Variants in EYS observed in about 807,000 individuals in gnomAD.
The protein encoded by EYS is EGF-like photoreceptor maintenance factor, also known as protein eyes shut homolog.
In EYS, 250 loss-of-function variants were observed where a neutral mutation model predicts 282.1. That is an observed-to-expected ratio of 0.89 (90% CI 0.80 to 0.98). EYS has a LOEUF of 0.98. Among genes scored for constraint, EYS ranks in the 50% least tolerant of loss-of-function variants. The pLI is 0.00. For synonymous variants in EYS, 1,355 were observed against 1,282.9 expected, an observed-to-expected ratio of 1.06 and a Z score of -1.20; for missense variants, 4,016 against 3,709.0, an observed-to-expected ratio of 1.08 and a Z score of -2.15.
chr6:65,602,757 G>C (rs972335347), intron 2 of EYS, among the ~76,000 whole-genome samples: 1 of 152,008 alleles, frequency 6.6e-6, no homozygotes, highest in African/African-American at 2.4e-5. Flanking sequence ...CTGAATGAAA[G>C]AGTGATGTGA....
At chr6:63,996,111 C>G (rs1008792887) in intron 34 of EYS, among the ~76,000 whole-genome samples, 1 of 151,646 alleles carries the variant, frequency 6.6e-6, no homozygotes, top group East Asian at 1.9e-4. Flanking sequence ...AAAAGGAAAA[C>G]GATATATGTG....
intron 15 of EYS, among the ~76,000 whole-genome samples, chr6:64,917,544 C>T (rs1041421738): frequency 6.6e-6 from 1 of 152,050 alleles, no homozygotes; most frequent in Non-Finnish European, 1.5e-5. Context: ...TTATCAGCTA[C>T]TGGGAGGTGG....
chr6:65,108,120 T>A (rs540208671), intron 12 of EYS, among the ~76,000 whole-genome samples: 15 of 152,270 alleles, frequency 9.9e-5, no homozygotes, highest in Admixed American at 9.2e-4. Context: ...AATATATGTA[T>A]GACTGTTGAC....
chr6:63,804,560 T>C (rs1770856819), intron 37 of EYS, among the ~76,000 whole-genome samples: 1 of 152,194 alleles, frequency 6.6e-6, no homozygotes, highest in African/African-American at 2.4e-5. Context: ...GGAAAAAGCA[T>C]GCACCAAACC....
intron 2 of EYS, among the ~76,000 whole-genome samples, chr6:65,586,764 G>A (rs547417900): frequency 2.8e-3 from 425 of 152,138 alleles, no homozygotes; most frequent in Middle Eastern, 0.01. Flanking sequence ...GACATATTGA[G>A]TAGTAGTGTG....
intron 30 of EYS, among the ~76,000 whole-genome samples, chr6:64,297,748 C>A (rs986160841): frequency 2.6e-5 from 4 of 152,116 alleles, no homozygotes; most frequent in Non-Finnish European, 5.9e-5. Flanking sequence ...GAGGCCGAGG[C>A]AGGTGTATCA....
chr6:65,025,933 T>C (rs1430057170), intron 13 of EYS, among the ~76,000 whole-genome samples: 1 of 152,178 alleles, frequency 6.6e-6, no homozygotes, highest in Non-Finnish European at 1.5e-5. Flanking sequence ...GAGTCACTCA[T>C]ACAAGAGCTT....
chr6:64,932,834 A>G (rs925961943), intron 15 of EYS, among the ~76,000 whole-genome samples: 4 of 152,062 alleles, frequency 2.6e-5, no homozygotes, highest in Non-Finnish European at 5.9e-5. Context: ...TTAATCAAGC[A>G]GAGACTAAAA....
intron 29 of EYS, among the ~76,000 whole-genome samples, chr6:64,329,671 GGATTA>G (rs1770566560): frequency 6.6e-6 from 1 of 152,006 alleles, no homozygotes; most frequent in Non-Finnish European, 1.5e-5. Context: ...GCCACCCATG[GGATTA>G]CTAAGCATAT....
At chr6:64,823,626 C>T (rs961837998) in intron 19 of EYS, among the ~76,000 whole-genome samples, 5 of 151,948 alleles carry the variant, frequency 3.3e-5, no homozygotes, top group African/African-American at 1.2e-4. Flanking sequence ...GTGCCCTGCC[C>T]TTAAGGCTTC....
chr6:63,876,612 T>C (rs1772979373), intron 35 of EYS, among the ~76,000 whole-genome samples: 1 of 152,146 alleles, frequency 6.6e-6, no homozygotes, highest in Non-Finnish European at 1.5e-5. Flanking sequence ...AGTCTAAGTC[T>C]CTTTAGGTGT....
chr6:65,301,744 T>C (rs976262447), intron 11 of EYS, among the ~76,000 whole-genome samples: 6 of 152,246 alleles, frequency 3.9e-5, no homozygotes, highest in Admixed American at 3.9e-4. Context: ...GTACTCCTTG[T>C]AGGATTGGTG....
chr6:64,395,058 G>A (rs367950662), intron 28 of EYS, among the ~76,000 whole-genome samples: 3,251 of 152,168 alleles, frequency 0.021, 59 homozygotes, highest in East Asian at 0.052. Flanking sequence ...CCATCAGAGA[G>A]ATGCAAATCA....
chr6:65,324,468 T>C (rs981235555), intron 11 of EYS, among the ~76,000 whole-genome samples: 11 of 152,194 alleles, frequency 7.2e-5, no homozygotes, highest in African/African-American at 2.4e-4. Flanking sequence ...GGAAGGAACA[T>C]ACAGTGAAAC....
intron 26 of EYS, among the ~76,000 whole-genome samples, chr6:64,530,420 T>C (rs1240425247): frequency 2.6e-5 from 4 of 152,048 alleles, no homozygotes; most frequent in Non-Finnish European, 5.9e-5. Context: ...AGGACATGTG[T>C]TCCTAGAGTT....
chr6:64,262,346 TCA>T (rs1204895900), intron 30 of EYS, among the ~76,000 whole-genome samples: 2 of 151,272 alleles, frequency 1.3e-5, no homozygotes, highest in African/African-American at 4.8e-5. Context: ...ATATTTAATT[TCA>T]GATTATTTTT....
chr6:63,861,272 A>C (rs427518), intron 36 of EYS, among the ~76,000 whole-genome samples: 151,376 of 152,314 alleles, frequency 0.99, 75,228 homozygotes, highest in Middle Eastern at 1. Flanking sequence ...CTTGGTTCTA[A>C]CCTTTTCACA....
At chr6:64,037,555 A>G (rs1311658109) in intron 33 of EYS, among the ~76,000 whole-genome samples, 1 of 152,222 alleles carries the variant, frequency 6.6e-6, no homozygotes, top group African/African-American at 2.4e-5. Flanking sequence ...AAGATAGGCA[A>G]AGATTATGAG....
intron 24 of EYS, among the ~76,000 whole-genome samples, chr6:64,594,638 C>T (rs893101909): frequency 4.9e-4 from 68 of 138,036 alleles, no homozygotes; most frequent in Non-Finnish European, 3.9e-4. Context: ...GGGAATTGAA[C>T]GATGAGAACA....
Sources: gnomAD v4.1 joint callset for allele counts (sites outside exome capture counted in the v4.1 genomes callset) on GRCh38, gnomAD v4.1.1 for gene constraint, MANE v1.5 for transcripts, NCBI Gene and HGNC (gene_info 2026-07-23, HGNC 2026-07-21) for gene names.